CYP2J2: variants seen among roughly 807,000 people sequenced by gnomAD.
The protein encoded by CYP2J2 is cytochrome P450 family 2 subfamily J member 2.
A neutral mutation model predicts 48.8 loss-of-function variants in CYP2J2; 41 were observed. The ratio of observed to expected loss-of-function variants is 0.84; its 90% CI spans 0.66 to 1.09. CYP2J2 has a LOEUF of 1.09. Ranked by LOEUF, CYP2J2 falls within the 50% of genes least tolerant of loss-of-function variation. CYP2J2 has a pLI of 0.00. For missense variants in CYP2J2, 644 were observed against 617.3 expected, an observed-to-expected ratio of 1.04 and a Z score of -0.46; for synonymous variants, 221 against 227.1, an observed-to-expected ratio of 0.97 and a Z score of 0.24.
chr1:59,915,895 T>C (rs749802524), intron 2 of CYP2J2, 43 bp downstream of exon 2: 2 of 1,591,648 alleles, frequency 1.3e-6, no homozygotes, highest in Non-Finnish European at 8.6e-7. Context: ...ATTATAGGAC[T>C]ATCAACATCA....
chr1:59,903,794 G>A (rs747648773), intron 7 of CYP2J2, among the ~76,000 whole-genome samples: 1 of 152,156 alleles, frequency 6.6e-6, no homozygotes, highest in Non-Finnish European at 1.5e-5. Context: ...AAGGGAGCAT[G>A]GTGTCTCACA....
At chr1:59,959,907 A>T in the CYP2J2 span, among the ~76,000 whole-genome samples, 1 of 152,038 alleles carries the variant, frequency 6.6e-6, no homozygotes, top group Non-Finnish European at 1.5e-5. Flanking sequence ...GAAGAGTGGG[A>T]GTGGGGCGAG....
Position 59,898,307 on chromosome 1 carries a change from C to A in CYP2J2, c.1330+2658G>T, listed in dbSNP as rs528322169. Among the ~76,000 whole-genome samples the A allele has an allele frequency of 3.0e-4, 46 of 152,282 alleles. 1 individual carries two copies. The South Asian group carries it at 6.8e-3, about 23-fold the overall frequency. On this transcript the variant is annotated intron_variant, in intron 8 of 8. Transcript: ENST00000371204. ...TAAGAGGCCTGTGTGCTTCCATTCT[C>A]CCTCTTTTGACCTTATCACCACCAT...
At chr1:59,904,830 C>T in intron 7 of CYP2J2, 41 bp downstream of exon 7, 1 of 1,552,514 alleles carries the variant, frequency 6.4e-7, no homozygotes, top group Non-Finnish European at 8.8e-7. Flanking sequence ...GTTCAAGTTT[C>T]TACCCCCCTA....
chr1:59,967,146 C>T, the CYP2J2 span, among the ~76,000 whole-genome samples: 1 of 152,124 alleles, frequency 6.6e-6, no homozygotes, highest in Non-Finnish European at 1.5e-5. Context: ...AAAGCTTACA[C>T]GAGTTTTAAG....
At chr1:59,896,550 C>G (rs1644271309) in intron 8 of CYP2J2, among the ~76,000 whole-genome samples, 1 of 151,960 alleles carries the variant, frequency 6.6e-6, no homozygotes, top group South Asian at 2.1e-4. Flanking sequence ...TAACTTACCT[C>G]TCATCACTGC....
the CYP2J2 span, among the ~76,000 whole-genome samples, chr1:59,964,912 A>C: frequency 6.6e-6 from 1 of 152,218 alleles, no homozygotes; most frequent in African/African-American, 2.4e-5. Flanking sequence ...GGAGTAGTAC[A>C]TGGGGCCAGT....
At chr1:59,947,830 A>G in the CYP2J2 span, among the ~76,000 whole-genome samples, 1 of 151,776 alleles carries the variant, frequency 6.6e-6, no homozygotes, top group African/African-American at 2.4e-5. Context: ...GTGCTTCTGC[A>G]TGTATAATCT....
In CYP2J2 at chr1:59,893,825, C is replaced by G. The variant is rs1380853510; in HGVS notation, c.1335G>C (p.Lys445Asn). 1.3e-6 allele frequency: 2 copies of G among 1,599,842 alleles called. No individual in the cohort carries two copies. Among genetic ancestry groups the G allele is most frequent in the African/African-American group, 2.7e-5 (2 of 74,350 alleles). The change falls in exon 9 of 9, where the codon AAG becomes AAC. Residue 445 changes from lysine to asparagine, a missense_variant. Transcript: ENST00000371204. Reference sequence around the variant, plus strand: ...CCAACTGTTCTCCGAGGCATGCCCGCTTTCCTGTAAGACAAAATCAAAAGA... The same window carrying G: ...CCAACTGTTCTCCGAGGCATGCCCGGTTTCCTGTAAGACAAAATCAAAAGA... ...REAFMPFSIGKRACLGEQLAR... is the reference protein window; with the variant it reads ...REAFMPFSIGNRACLGEQLAR...
intron 4 of CYP2J2, among the ~76,000 whole-genome samples, chr1:59,910,914 C>T (rs146753338): frequency 5.9e-5 from 9 of 152,264 alleles, no homozygotes; most frequent in Non-Finnish European, 5.9e-5. Flanking sequence ...GAACTCCAAA[C>T]GGCTACACTC....
the CYP2J2 span, among the ~76,000 whole-genome samples, chr1:59,938,858 C>T: frequency 5.3e-5 from 8 of 152,358 alleles, no homozygotes; most frequent in African/African-American, 1.2e-4. Flanking sequence ...TGCGGCTTTC[C>T]GCAGTGCATT....
the CYP2J2 span, among the ~76,000 whole-genome samples, chr1:59,951,391 C>T: frequency 6.6e-6 from 1 of 152,154 alleles, no homozygotes; most frequent in South Asian, 2.1e-4. Context: ...ACAGCTTAAA[C>T]TTTCATAGCA....
intron 2 of CYP2J2, chr1:59,913,109 C>A (rs1293103480): frequency 6.6e-6 from 1 of 152,162 alleles, no homozygotes; most frequent in African/African-American, 2.4e-5. Context: ...TTACTTGCAG[C>A]AGCAGTAGAC....
intron 2 of CYP2J2, among the ~76,000 whole-genome samples, chr1:59,914,621 T>C (rs1342343389): frequency 6.6e-6 from 1 of 152,204 alleles, no homozygotes; most frequent in Non-Finnish European, 1.5e-5. Flanking sequence ...GGTAAAATCA[T>C]TGCCATTCTC....
intron 1 of CYP2J2, among the ~76,000 whole-genome samples, chr1:59,920,602 A>C (rs1644504267): frequency 6.6e-6 from 1 of 152,154 alleles, no homozygotes; most frequent in Non-Finnish European, 1.5e-5. Flanking sequence ...CTGACAAGGT[A>C]ATCTGAGCTA....
intron 5 of CYP2J2, among the ~76,000 whole-genome samples, chr1:59,908,322 T>C (rs544692715): frequency 1.3e-5 from 2 of 152,340 alleles, no homozygotes; most frequent in African/African-American, 2.4e-5. Flanking sequence ...TTTTATATAC[T>C]GGAAATAGGA....
In CYP2J2 at chr1:59,911,237, G is replaced by T. The variant is rs113540974; in HGVS notation, c.684+371C>A. Among the ~76,000 whole-genome samples the T allele has an allele frequency of 2.0e-3, 312 of 152,264 alleles. 3 individuals carry two copies. Among genetic ancestry groups the T allele is most frequent in the East Asian group, 0.012 (63 of 5,176 alleles). Reference sequence around the variant, plus strand: ...AAAGCAACTTGCTGAGGAAGAAAGAGGATACAGAAGAGAACCTCTGAGGGA... The same window carrying T: ...AAAGCAACTTGCTGAGGAAGAAAGATGATACAGAAGAGAACCTCTGAGGGA... On this transcript the variant is annotated intron_variant, in intron 4 of 8. Coordinates refer to ENST00000371204, the MANE Select transcript of CYP2J2 (RefSeq NM_000775.4).
chr1:59,928,413 G>A (rs1035452611), upstream of CYP2J2, among the ~76,000 whole-genome samples: 21 of 152,184 alleles, frequency 1.4e-4, no homozygotes, highest in Admixed American at 5.2e-4. Context: ...GTAAGAGTCT[G>A]TGGCATTTGA....
the CYP2J2 span, among the ~76,000 whole-genome samples, chr1:59,938,600 AT>A: frequency 6.6e-6 from 1 of 152,220 alleles, no homozygotes; most frequent in Non-Finnish European, 1.5e-5. Context: ...CTATCTCAGA[AT>A]TGAACAAATG....
Sources: allele counts gnomAD v4.1 joint callset (sites outside exome capture counted in the v4.1 genomes callset), GRCh38; gene constraint gnomAD v4.1.1; transcripts MANE v1.5; gene names NCBI Gene and HGNC (gene_info 2026-07-23, HGNC 2026-07-21).